The following RGPD2 variants were observed in gnomAD, a reference collection of about 807,000 sequenced individuals.
RGPD2 encodes RANBP2 like and GRIP domain containing 2, also known as RANBP2-like and GRIP domain-containing protein 2.
A neutral mutation model predicts 36.0 loss-of-function variants in RGPD2; 2 were observed. The observed-to-expected ratio is 0.06, with a 90% CI of 0.02 to 0.17. RGPD2 has a LOEUF of 0.17. RGPD2 is among the 10% of genes least tolerant of loss of function. RGPD2 has a pLI of 1.00. For synonymous variants in RGPD2, 19 were observed against 163.8 expected (o/e 0.12, Z 6.75); for missense variants, 40 against 464.3 (o/e 0.09, Z 8.40).
chr2:87,886,601 C>T, the RGPD2 span, among the ~76,000 whole-genome samples: 1 of 150,876 alleles, frequency 6.6e-6, no homozygotes, highest in East Asian at 1.9e-4. Flanking sequence ...ATGGAACCAC[C>T]CTGTTACACG....
the RGPD2 span, among the ~76,000 whole-genome samples, chr2:87,939,471 C>T: frequency 2.0e-5 from 3 of 151,928 alleles, no homozygotes; most frequent in African/African-American, 4.8e-5. Flanking sequence ...ATCAGGGTCA[C>T]GTGTTGTCCC....
chr2:87,781,460 T>G lies in RGPD2; in HGVS notation c.4900+664A>C, dbSNP rs1186365599. 1.4e-3 allele frequency among the ~76,000 whole-genome samples: 195 copies of G among 138,104 alleles called. 1 individual carries two copies. The highest frequency in any genetic ancestry group is 3.6e-3 in the Middle Eastern group (1 of 280). The allele number at this position is 138,104 out of a possible 152,430, so 90.6% of individuals were successfully genotyped here. On this transcript the variant is annotated intron_variant, in intron 20 of 22. Coordinates refer to ENST00000398146, the MANE Select transcript of RGPD2 (RefSeq NM_001078170.3). ...CTCAATATCATGGTTTTTTTTGTTT[T>G]TTTGTTTTTTTTTTTTTTTTTGGAG...
At chr2:87,886,773 G>T in the RGPD2 span, among the ~76,000 whole-genome samples, 1 of 151,584 alleles carries the variant, frequency 6.6e-6, no homozygotes, top group Non-Finnish European at 1.5e-5. Flanking sequence ...CTTTTTATGA[G>T]CTGATGTTGG....
At chr2:87,910,671 T>C in the RGPD2 span, among the ~76,000 whole-genome samples, 18 of 151,894 alleles carry the variant, frequency 1.2e-4, no homozygotes, top group Admixed American at 1.2e-3. Flanking sequence ...CCCAACAAAA[T>C]AGCAATTACA....
chr2:87,857,794 A>G, the RGPD2 span, among the ~76,000 whole-genome samples: 2 of 150,854 alleles, frequency 1.3e-5, no homozygotes, highest in South Asian at 2.1e-4. Flanking sequence ...AAAAAAAAAA[A>G]AAATTAGCAT....
the RGPD2 span, among the ~76,000 whole-genome samples, chr2:87,877,826 A>G: frequency 6.6e-6 from 1 of 151,382 alleles, no homozygotes; most frequent in African/African-American, 2.4e-5. Flanking sequence ...AAAAAAAAAA[A>G]AAAAAAAAAG....
At chr2:87,864,117 T>C in the RGPD2 span, among the ~76,000 whole-genome samples, 3 of 152,082 alleles carry the variant, frequency 2.0e-5, no homozygotes, top group African/African-American at 4.8e-5. Context: ...TGAATCATTA[T>C]TGTGGGTGTT....
the RGPD2 span, among the ~76,000 whole-genome samples, chr2:87,973,431 G>A: frequency 3.7e-5 from 5 of 134,316 alleles, no homozygotes; most frequent in African/African-American, 5.2e-5. Context: ...ATTCTGTACC[G>A]CAGGTCTTTC....
At chr2:87,871,685 G>A in the RGPD2 span, among the ~76,000 whole-genome samples, 2 of 152,012 alleles carry the variant, frequency 1.3e-5, no homozygotes, top group African/African-American at 2.4e-5. Flanking sequence ...GACCAACATG[G>A]AGAAACCCTG....
the RGPD2 span, among the ~76,000 whole-genome samples, chr2:87,921,325 G>A: frequency 1.5e-3 from 223 of 152,200 alleles, no homozygotes; most frequent in African/African-American, 5.2e-3. Flanking sequence ...TTCTAGAGCC[G>A]GTCCCTGGAC....
chr2:87,984,481 T>G, the RGPD2 span, among the ~76,000 whole-genome samples: 1 of 150,832 alleles, frequency 6.6e-6, no homozygotes, highest in East Asian at 2.0e-4. Flanking sequence ...TAGAAAAAAT[T>G]TTTAATGATA....
At chr2:87,931,084 C>T in the RGPD2 span, among the ~76,000 whole-genome samples, 1 of 26,770 alleles carries the variant, frequency 3.7e-5, no homozygotes, top group African/African-American at 1.4e-4. Context: ...CAGTTCAGCT[C>T]TGATTTTGGT....
chr2:87,979,021 G>T, the RGPD2 span, among the ~76,000 whole-genome samples: 2 of 148,390 alleles, frequency 1.3e-5, no homozygotes, highest in Admixed American at 1.3e-4. Flanking sequence ...GATTATTGAG[G>T]CCAGGAGTTT....
At chr2:87,919,146 C>G in the RGPD2 span, among the ~76,000 whole-genome samples, 47 of 151,914 alleles carry the variant, frequency 3.1e-4, no homozygotes, top group Admixed American at 5.9e-4. Flanking sequence ...GGTTATTAAA[C>G]AGAAATACCA....
At chr2:87,852,732 A>G in the RGPD2 span, among the ~76,000 whole-genome samples, 1 of 152,272 alleles carries the variant, frequency 6.6e-6, no homozygotes, top group African/African-American at 2.4e-5. Flanking sequence ...TATTTGCATA[A>G]CTCAGTCTCT....
chr2:87,915,546 ATGTG>A, the RGPD2 span, among the ~76,000 whole-genome samples: 8 of 143,098 alleles, frequency 5.6e-5, no homozygotes, highest in Non-Finnish European at 9.1e-5. Context: ...ACACATATAT[ATGTG>A]TATGTGTATA....
intron 6 of RGPD2, among the ~76,000 whole-genome samples, chr2:87,809,947 G>A (rs1314552672): frequency 3.9e-4 from 28 of 72,714 alleles, no homozygotes; most frequent in African/African-American, 9.2e-4. Flanking sequence ...GCAGTGAGCC[G>A]AGATTGCGCC....
the RGPD2 span, among the ~76,000 whole-genome samples, chr2:87,899,699 AG>A: frequency 9.9e-6 from 1 of 100,748 alleles, no homozygotes. Context: ...AGCAGCCAGG[AG>A]GGGGGCTGTA....
chr2:87,861,201 T>C, the RGPD2 span, among the ~76,000 whole-genome samples: 1 of 150,518 alleles, frequency 6.6e-6, no homozygotes, highest in Non-Finnish European at 1.5e-5. Context: ...TTTTACCAGA[T>C]AGAAATAAGG....
Sources: allele counts gnomAD v4.1 joint callset (sites outside exome capture counted in the v4.1 genomes callset), GRCh38; gene constraint gnomAD v4.1.1; transcripts MANE v1.5; gene names NCBI Gene and HGNC (gene_info 2026-07-23, HGNC 2026-07-21).